VSIG10: variants seen among roughly 807,000 people sequenced by gnomAD.
The protein encoded by VSIG10 is V-set and immunoglobulin domain containing 10, also known as V-set and immunoglobulin domain-containing protein 10.
VSIG10 carries 48 observed loss-of-function variants against 58.7 expected under a neutral mutation model. That is an observed-to-expected ratio of 0.82 (90% CI 0.65 to 1.04). The LOEUF (loss-of-function observed/expected upper bound fraction) is 1.04. Among genes scored for constraint, VSIG10 ranks in the 50% least tolerant of loss-of-function variants. VSIG10 has a pLI of 0.00. For synonymous variants in VSIG10, 260 were observed against 267.1 expected, an observed-to-expected ratio of 0.97 and a Z score of 0.26; for missense variants, 628 against 670.0, an observed-to-expected ratio of 0.94 and a Z score of 0.69.
chr12:118,079,552 A>G lies in VSIG10; in HGVS notation c.719T>C (p.Met240Thr). 6.2e-7 allele frequency: 1 copy of G among 1,614,030 alleles called. No homozygotes were observed. Among genetic ancestry groups the G allele is most frequent in the Non-Finnish European group, 8.5e-7 (1 of 1,179,900 alleles). Residue 240 changes from methionine to threonine, a missense_variant, in exon 4 of 9, where the codon ATG (methionine) becomes ACG (threonine). Met to Thr is a moderately conservative substitution (Grantham distance 81, BLOSUM62 -1). Coordinates refer to ENST00000359236, the MANE Select transcript of VSIG10 (RefSeq NM_019086.6). ...ATCCCAGCGACAGGTAAGCTGCAAC[A>G]TGAACGATCCTGATGCCATCTGTGC... ...CWAQMASGSF[M>T]LQLTCRWDGG... is the part of the protein sequence containing the mutation.
In VSIG10 at chr12:118,068,023, C is replaced by CTTTTTTT. The variant is rs371999216; in HGVS notation, c.1567+347_1567+353dup. ...CCGCAGCAGTTCAGAGGTTTGTGGGCTTTTTTTTTTTTTTTTTTTTTTCTG... is the reference window on the plus strand; with the variant it reads ...CCGCAGCAGTTCAGAGGTTTGTGGGCTTTTTTTTTTTTTTTTTTTTTTTTTTTTTCTG... On this transcript the variant is annotated intron_variant, in intron 8 of 8. Transcript: ENST00000359236. 1.1e-4 allele frequency among the ~76,000 whole-genome samples: 9 copies of CTTTTTTT among 85,502 alleles called. 1 individual carries two copies. Among genetic ancestry groups the CTTTTTTT allele is most frequent in the Non-Finnish European group, 1.3e-4 (6 of 46,762 alleles). The allele number at this position is 85,502 out of a possible 152,430, so 56.1% of individuals were successfully genotyped here.
In VSIG10 at chr12:118,082,406, G is replaced by A. The variant is rs1219789263; in HGVS notation, c.385C>T (p.His129Tyr). 4 of 1,612,254 alleles carry A rather than the reference G, an allele frequency of 2.5e-6. No homozygotes were observed. The highest frequency in any genetic ancestry group is 1.1e-5 in the South Asian group (1 of 91,052). ...GGGAGTGTGCCGGTGGCCACGATGT[G>A]GACCTCAATCTGATAGGGGCCGCCT... Reference protein sequence around the residue: ...VASGPYQIEVHIVATGTLPNG... With the variant: ...VASGPYQIEVYIVATGTLPNG... Residue 129 changes from histidine (H) to tyrosine (Y), a missense_variant, in exon 3 of 9, where the codon CAC becomes TAC. Coordinates refer to ENST00000359236, the MANE Select transcript of VSIG10 (RefSeq NM_019086.6).
Position 118,084,000 on chromosome 12 carries a change from G to C in VSIG10, c.362-1571C>G, listed in dbSNP as rs538895540. 2.6e-4 allele frequency among the ~76,000 whole-genome samples: 40 copies of C among 152,154 alleles called. No homozygotes were observed. In the South Asian group the frequency reaches 8.3e-3, roughly 32 times the overall value. On this transcript the variant is annotated intron_variant, in intron 2 of 8. Transcript: ENST00000359236. ...CCAGGCGTGGTGGTGCAGGTAAGTAGTCCCAGCTATTCAGGAGGCTGAGGT... is the reference window on the plus strand; with the variant it reads ...CCAGGCGTGGTGGTGCAGGTAAGTACTCCCAGCTATTCAGGAGGCTGAGGT...
chr12:118,086,031 T>C (rs904201589), intron 2 of VSIG10, among the ~76,000 whole-genome samples: 3 of 149,828 alleles, frequency 2.0e-5, no homozygotes, highest in Admixed American at 6.7e-5. Flanking sequence ...TGATGGCAAA[T>C]GCGTGTAATA....
chr12:118,069,121 G>A (rs2032375763), intron 7 of VSIG10, among the ~76,000 whole-genome samples: 1 of 144,664 alleles, frequency 6.9e-6, no homozygotes, highest in Admixed American at 6.9e-5. Context: ...ATAGAGTCTT[G>A]CGCTGTTGCC....
At chr12:118,080,114 G>A (rs1314697064) in intron 3 of VSIG10, among the ~76,000 whole-genome samples, 1 of 151,998 alleles carries the variant, frequency 6.6e-6, no homozygotes, top group African/African-American at 2.4e-5. Flanking sequence ...GATTATAGGC[G>A]TGAGCCACTG....
At chr12:118,078,805 GGTGCACGCCTGTA>G (rs966913252) in intron 4 of VSIG10, among the ~76,000 whole-genome samples, 1 of 151,768 alleles carries the variant, frequency 6.6e-6, no homozygotes. Context: ...TGGGCATGAT[GGTGCACGCCTGTA>G]GTCCCAGCTA....
At chr12:118,091,330 A>G (rs796243044) in intron 2 of VSIG10, among the ~76,000 whole-genome samples, 10 of 151,952 alleles carry the variant, frequency 6.6e-5, no homozygotes, top group African/African-American at 2.4e-4. Context: ...ATCTCTACTA[A>G]AAATACAAAA....
At position 118,099,324 on chromosome 12, in the gene VSIG10, T is replaced by TG. The variant is rs369962151; in HGVS notation, c.80-3511dup. On this transcript the variant is annotated intron_variant, in intron 1 of 8. Transcript: ENST00000359236. ...ATGGTGGAGGGGCGGCGGGTTGGGG[T>TG]GGGGGGTCTCACTATGTTGCCCAGG... 1.9e-3 allele frequency among the ~76,000 whole-genome samples: 268 copies of TG among 140,346 alleles called. 2 individuals are homozygous for TG. The highest frequency in any genetic ancestry group is 0.015 in the Middle Eastern group (4 of 272). The allele number at this position is 140,346 out of a possible 152,430, so 92.1% of individuals were successfully genotyped here. A position where few individuals can be genotyped will look rare whatever the true frequency, so the allele number is the denominator to read the frequency against.
intron 2 of VSIG10, among the ~76,000 whole-genome samples, chr12:118,088,028 GAGGTTAGGAGTTCAAGACC>G (rs2033180784): frequency 6.6e-6 from 1 of 151,736 alleles, no homozygotes; most frequent in Non-Finnish European, 1.5e-5. Flanking sequence ...GGTGGATCAC[GAGGTTAGGAGTTCAAGACC>G]AGCCTGGCCA....
chr12:118,095,476 CTCCT>C, intron 2 of VSIG10, 53 bp downstream of exon 2: 1 of 1,596,908 alleles, frequency 6.3e-7, no homozygotes, highest in South Asian at 1.1e-5. Context: ...CCATGGTCTC[CTCCT>C]TTCCAAGGCT....
intron 1 of VSIG10, among the ~76,000 whole-genome samples, chr12:118,099,056 G>C (rs1467317053): frequency 1.3e-5 from 2 of 151,480 alleles, no homozygotes; most frequent in Non-Finnish European, 2.9e-5. Context: ...CTGTGTGTTA[G>C]CGAGCCCTCC....
chr12:118,095,920 G>GTTA, intron 1 of VSIG10, 106 bp from the exon 2 acceptor site: 30 of 749,298 alleles, frequency 4.0e-5, no homozygotes, highest in Non-Finnish European at 5.3e-5. Flanking sequence ...TCAGGTATAT[G>GTTA]TTCTTTTTTT....
At chr12:118,066,990 C>T (rs970820067) in intron 8 of VSIG10, among the ~76,000 whole-genome samples, 1 of 152,126 alleles carries the variant, frequency 6.6e-6, no homozygotes, top group African/African-American at 2.4e-5. Flanking sequence ...TAACGCCTTG[C>T]TTCATGTCTA....
intron 2 of VSIG10, among the ~76,000 whole-genome samples, chr12:118,089,939 C>A (rs1050104646): frequency 6.6e-6 from 1 of 152,202 alleles, no homozygotes. Flanking sequence ...TGATACCAAA[C>A]ACATACATTT....
At position 118,082,389 on chromosome 12, in the gene VSIG10, G is replaced by C. The variant is rs749246792; in HGVS notation, c.402C>G (p.Gly134=). The C allele has an allele frequency of 6.2e-7, 1 of 1,613,408 alleles. No homozygotes were observed. Among genetic ancestry groups the C allele is most frequent in the South Asian group, 1.1e-5 (1 of 91,066 alleles). ...CGTAGAGGGTGCCGTTGGGGAGTGT[G>C]CCGGTGGCCACGATGTGGACCTCAA... The part of the protein sequence containing the change: ...YQIEVHIVAT[G]TLPNGTLYAA... Residue 134 remains glycine, a synonymous_variant, in exon 3 of 9, where the codon GGC becomes GGG. Transcript: ENST00000359236.
intron 2 of VSIG10, among the ~76,000 whole-genome samples, chr12:118,087,256 C>T (rs557008612): frequency 4.6e-5 from 7 of 152,100 alleles, no homozygotes; most frequent in East Asian, 3.9e-4. Context: ...GTGATGAAAT[C>T]ACACCACGGG....
intron 7 of VSIG10, among the ~76,000 whole-genome samples, chr12:118,069,479 G>GCAAT (rs2032397315): frequency 1.4e-5 from 2 of 142,040 alleles, no homozygotes; most frequent in Admixed American, 7.4e-5. Flanking sequence ...AGGCTGGAGT[G>GCAAT]CAATGGCACA....
Position 118,077,846 on chromosome 12 carries a change from C to T in VSIG10, c.925+1500G>A, listed in dbSNP as rs562224004. Among the ~76,000 whole-genome samples the T allele has an allele frequency of 6.6e-5, 10 of 152,276 alleles. No homozygotes were observed. In the East Asian group the frequency reaches 1.4e-3, roughly 21 times the overall value. On this transcript the variant is annotated intron_variant, in intron 4 of 8. Transcript: ENST00000359236. Reference sequence around the variant, plus strand: ...TAGATCTTTCAGATGATTTCAGCCCCGCAACCTTCAATTCTTCCGGCTGAC... The same window carrying T: ...TAGATCTTTCAGATGATTTCAGCCCTGCAACCTTCAATTCTTCCGGCTGAC...
Sources: allele counts gnomAD v4.1 joint callset (sites outside exome capture counted in the v4.1 genomes callset), GRCh38; gene constraint gnomAD v4.1.1; transcripts MANE v1.5; gene names NCBI Gene and HGNC (gene_info 2026-07-23, HGNC 2026-07-21).